The following FSTL5 variants were observed in gnomAD, a reference collection of about 807,000 sequenced individuals.
The protein encoded by FSTL5 is follistatin like 5, also known as follistatin-related protein 5.
In FSTL5, 62 loss-of-function variants were observed where a neutral mutation model predicts 89.1. The observed-to-expected ratio is 0.70, with a 90% CI of 0.57 to 0.86. The LOEUF is 0.86. Ranked by LOEUF, FSTL5 falls within the 40% of genes least tolerant of loss-of-function variation. The pLI is 0.00. For missense variants in FSTL5, 1,057 were observed against 1,001.6 expected (o/e 1.06, Z -0.75); for synonymous variants, 383 against 346.2 (o/e 1.11, Z -1.18).
intron 8 of FSTL5, among the ~76,000 whole-genome samples, chr4:161,577,152 A>T (rs1045750199): frequency 1.3e-5 from 2 of 152,096 alleles, no homozygotes; most frequent in Non-Finnish European, 2.9e-5. Context: ...TATGTACCAG[A>T]CTCAGAGAAC....
intron 4 of FSTL5, among the ~76,000 whole-genome samples, chr4:161,874,747 T>C (rs1032937396): frequency 5.3e-5 from 8 of 152,110 alleles, no homozygotes; most frequent in African/African-American, 1.7e-4. Context: ...TTTTGTAATA[T>C]TAATTATAGT....
At chr4:161,795,431 C>G (rs1398419218) in intron 4 of FSTL5, among the ~76,000 whole-genome samples, 1 of 152,072 alleles carries the variant, frequency 6.6e-6, no homozygotes, top group Non-Finnish European at 1.5e-5. Flanking sequence ...CCGGAAGAAC[C>G]CTACTGTTTT....
chr4:162,039,096 TAA>T (rs1231097335), intron 2 of FSTL5, among the ~76,000 whole-genome samples: 1 of 151,802 alleles, frequency 6.6e-6, no homozygotes, highest in Non-Finnish European at 1.5e-5. Context: ...TGGAGAGACA[TAA>T]GAGTGAAGCA....
intron 4 of FSTL5, among the ~76,000 whole-genome samples, chr4:161,854,513 G>C (rs1245013321): frequency 6.6e-6 from 1 of 152,144 alleles, no homozygotes; most frequent in Non-Finnish European, 1.5e-5. Context: ...GAGAACAAAA[G>C]ATGCGTTATT....
chr4:162,030,364 T>C (rs76861332), intron 3 of FSTL5, among the ~76,000 whole-genome samples: 14,888 of 152,192 alleles, frequency 0.098, 852 homozygotes, highest in Non-Finnish European at 0.13. Context: ...TAGATACTTA[T>C]GAAAATATAA....
At chr4:161,595,823 A>G (rs1218043849) in intron 7 of FSTL5, among the ~76,000 whole-genome samples, 1 of 151,998 alleles carries the variant, frequency 6.6e-6, no homozygotes, top group African/African-American at 2.4e-5. Context: ...TAAAATGGTA[A>G]ATTTTAAATG....
intron 9 of FSTL5, among the ~76,000 whole-genome samples, chr4:161,538,916 G>A (rs996779020): frequency 3.3e-5 from 5 of 151,806 alleles, no homozygotes; most frequent in Non-Finnish European, 5.9e-5. Flanking sequence ...GGCCCACTGC[G>A]CCACCCCGGG....
intron 3 of FSTL5, among the ~76,000 whole-genome samples, chr4:161,945,111 T>C (rs1339295702): frequency 2.6e-5 from 4 of 152,258 alleles, no homozygotes; most frequent in Non-Finnish European, 4.4e-5. Flanking sequence ...AGTCTACTTA[T>C]AATAACTCTA....
rs770760103 is a variant in FSTL5, at chr4:161,517,108, C to T, written c.1313-6684G>A. On this transcript the variant is annotated intron_variant, in intron 10 of 15. Transcript: ENST00000306100. ...TTCACTGTGTTGGCCAGACTGGTCTCGAACTCTTGACCTCAGGTAATCTGC... is the reference window on the plus strand; with the variant it reads ...TTCACTGTGTTGGCCAGACTGGTCTTGAACTCTTGACCTCAGGTAATCTGC... Among the ~76,000 whole-genome samples the T allele has an allele frequency of 2.0e-5, 3 of 152,184 alleles. No individual in the cohort carries two copies. The East Asian group carries it at 5.8e-4, about 29-fold the overall frequency.
chr4:161,505,183 T>C (rs551425983), intron 11 of FSTL5, among the ~76,000 whole-genome samples: 1 of 152,270 alleles, frequency 6.6e-6, no homozygotes, highest in East Asian at 1.9e-4. Flanking sequence ...TAAAGAATAA[T>C]ATAGGCAAGA....
chr4:161,476,189 G>GTTTTTTTTTTTTTTTTTTTTTTT (rs1241724019), intron 13 of FSTL5, among the ~76,000 whole-genome samples: 4 of 106,900 alleles, frequency 3.7e-5, no homozygotes, highest in East Asian at 3.0e-4. Context: ...TTTTTTTTTT[G>GTTTTTTTTTTTTTTTTTTTTTTT]TTTGTTTGTT....
intron 4 of FSTL5, among the ~76,000 whole-genome samples, chr4:161,825,789 T>G (rs1730649157): frequency 6.6e-6 from 1 of 152,170 alleles, no homozygotes; most frequent in Admixed American, 6.5e-5. Flanking sequence ...CCTTACCTAG[T>G]TAATCTCACT....
At chr4:161,390,965 C>G (rs59727329) in intron 15 of FSTL5, among the ~76,000 whole-genome samples, 32,537 of 151,928 alleles carry the variant, frequency 0.21, 3,813 homozygotes, top group Middle Eastern at 0.35. Context: ...TCCTCCAACC[C>G]CATCATCTAC....
chr4:161,623,461 A>G (rs1735211318), intron 7 of FSTL5, among the ~76,000 whole-genome samples: 1 of 151,956 alleles, frequency 6.6e-6, no homozygotes, highest in Admixed American at 6.6e-5. Flanking sequence ...GTACTCAAAT[A>G]TTTTATGATT....
intron 3 of FSTL5, among the ~76,000 whole-genome samples, chr4:161,938,026 C>T (rs767717735): frequency 8.5e-5 from 13 of 152,082 alleles, no homozygotes; most frequent in Non-Finnish European, 1.5e-4. Flanking sequence ...TTTAACAGAC[C>T]TTCCTTTACA....
chr4:161,831,494 A>G (rs1452818243), intron 4 of FSTL5, among the ~76,000 whole-genome samples: 1 of 151,706 alleles, frequency 6.6e-6, no homozygotes, highest in Non-Finnish European at 1.5e-5. Flanking sequence ...AGTTTTAAAT[A>G]TCCAAGGTTA....
intron 6 of FSTL5, among the ~76,000 whole-genome samples, chr4:161,704,259 T>C (rs1738497498): frequency 6.6e-6 from 1 of 152,128 alleles, no homozygotes; most frequent in Non-Finnish European, 1.5e-5. Flanking sequence ...TTGTTTCGAG[T>C]TGTCCCGCCT....
chr4:161,709,578 A>G (rs1389410711), intron 6 of FSTL5, among the ~76,000 whole-genome samples: 2 of 152,100 alleles, frequency 1.3e-5, no homozygotes, highest in African/African-American at 4.8e-5. Flanking sequence ...AGGCAGGATG[A>G]TTGCTTAAAT....
intron 10 of FSTL5, among the ~76,000 whole-genome samples, chr4:161,527,672 T>G (rs890290807): frequency 2.0e-5 from 3 of 151,550 alleles, no homozygotes; most frequent in African/African-American, 4.8e-5. Context: ...TGTGGAGAAA[T>G]AGGAACACTT....
Sources: allele counts gnomAD v4.1 joint callset (sites outside exome capture counted in the v4.1 genomes callset), GRCh38; gene constraint gnomAD v4.1.1; transcripts MANE v1.5; gene names NCBI Gene and HGNC (gene_info 2026-07-23, HGNC 2026-07-21).